The following SLC8A1 variants were observed in gnomAD, a reference collection of about 807,000 sequenced individuals.
The protein encoded by SLC8A1 is solute carrier family 8 member A1, also known as sodium/calcium exchanger 1.
Under a neutral mutation model 68.3 loss-of-function variants are expected in SLC8A1, and 18 were observed. That is an observed-to-expected ratio of 0.26 (90% CI 0.18 to 0.39). The LOEUF (loss-of-function observed/expected upper bound fraction) is 0.39. SLC8A1 is among the 10% of genes least tolerant of loss of function. SLC8A1 has a pLI of 1.00. For synonymous variants in SLC8A1, 475 were observed against 415.5 expected, an observed-to-expected ratio of 1.14 and a Z score of -1.74; for missense variants, 985 against 1,156.7, an observed-to-expected ratio of 0.85 and a Z score of 2.15.
At chr2:40,490,455 T>G (rs1416673614) in intron 1 of SLC8A1, among the ~76,000 whole-genome samples, 1 of 152,178 alleles carries the variant, frequency 6.6e-6, no homozygotes, top group Admixed American at 6.5e-5. Context: ...TATGTTTGTT[T>G]GTATAAGTAT....
intron 2 of SLC8A1, among the ~76,000 whole-genome samples, chr2:40,347,812 G>C (rs1459761263): frequency 6.6e-6 from 1 of 152,136 alleles, no homozygotes; most frequent in South Asian, 2.1e-4. Context: ...TTTAAAGCAA[G>C]ATTTCTCTAA....
chr2:40,257,792 T>C (rs778945183), intron 2 of SLC8A1, among the ~76,000 whole-genome samples: 5 of 152,242 alleles, frequency 3.3e-5, no homozygotes, highest in Non-Finnish European at 7.3e-5. Flanking sequence ...TTGACCTTCA[T>C]GAAATTCTCC....
intron 2 of SLC8A1, among the ~76,000 whole-genome samples, chr2:40,383,658 ATACT>A (rs892141591): frequency 1.8e-4 from 27 of 152,232 alleles, no homozygotes; most frequent in African/African-American, 4.6e-4. Context: ...TAATTAAGTA[ATACT>A]TAATACATAA....
At chr2:40,383,437 G>A (rs1016361397) in intron 2 of SLC8A1, among the ~76,000 whole-genome samples, 3 of 151,962 alleles carry the variant, frequency 2.0e-5, no homozygotes, top group Non-Finnish European at 2.9e-5. Flanking sequence ...ACTGTCATTC[G>A]CTTCATATTT....
At chr2:40,235,718 C>G (rs2060274452) in intron 2 of SLC8A1, among the ~76,000 whole-genome samples, 1 of 151,302 alleles carries the variant, frequency 6.6e-6, no homozygotes, top group Middle Eastern at 3.4e-3. Flanking sequence ...ATCTTTCCTG[C>G]TTTCTCTTGT....
chr2:40,250,592 C>A (rs552849108), intron 2 of SLC8A1: 1 of 152,016 alleles, frequency 6.6e-6, no homozygotes, highest in African/African-American at 2.4e-5. Context: ...AGTGACTCTT[C>A]GAGTTATTCT....
intron 2 of SLC8A1, among the ~76,000 whole-genome samples, chr2:40,409,677 T>G (rs1351718006): frequency 6.6e-6 from 1 of 152,098 alleles, no homozygotes; most frequent in African/African-American, 2.4e-5. Context: ...ATAAGAGCAA[T>G]AGCATGCTCA....
chr2:40,327,796 A>G lies in SLC8A1; in HGVS notation c.1808+100677T>C, dbSNP rs567853110. ...AAAGGGCTGAACAACTACCTATTGG[A>G]TACTATGGTCCCTACCTGGGTGATG... On this transcript the variant is annotated intron_variant, in intron 2 of 7. Transcript: ENST00000406785. Among the ~76,000 whole-genome samples, 4 of 152,302 alleles carry G rather than the reference A, an allele frequency of 2.6e-5. No individual in the cohort carries two copies. The East Asian group carries it at 7.7e-4, about 29-fold the overall frequency.
intron 2 of SLC8A1, among the ~76,000 whole-genome samples, chr2:40,375,370 GC>G (rs1173500698): frequency 6.6e-6 from 1 of 152,090 alleles, no homozygotes; most frequent in South Asian, 2.1e-4. Flanking sequence ...GGAATTTTAA[GC>G]CAGTGGATTC....
intron 2 of SLC8A1, chr2:40,190,616 C>G (rs572133171): frequency 1.3e-5 from 2 of 152,126 alleles, no homozygotes; most frequent in African/African-American, 4.8e-5. Flanking sequence ...TTGTCCGTCA[C>G]GCTGAGGGAT....
chr2:40,162,791 A>G (rs763060751), intron 5 of SLC8A1, among the ~76,000 whole-genome samples: 75 of 152,208 alleles, frequency 4.9e-4, no homozygotes, highest in Non-Finnish European at 9.3e-4. Context: ...GGCTTGTGAA[A>G]ACCTCACCCT....
chr2:40,226,914 C>T (rs915955191), intron 2 of SLC8A1, among the ~76,000 whole-genome samples: 1 of 152,122 alleles, frequency 6.6e-6, no homozygotes, highest in African/African-American at 2.4e-5. Flanking sequence ...CAAAACACAT[C>T]TAATACTGTT....
At chr2:40,194,506 T>TGTGTGTGTGTGC (rs963279052) in intron 2 of SLC8A1, among the ~76,000 whole-genome samples, 1 of 131,824 alleles carries the variant, frequency 7.6e-6, no homozygotes, top group African/African-American at 2.7e-5. Flanking sequence ...TGTGTGTGTG[T>TGTGTGTGTGTGC]GCGCGCGCAA....
chr2:40,196,811 A>G (rs1053477779), intron 2 of SLC8A1, among the ~76,000 whole-genome samples: 2 of 152,056 alleles, frequency 1.3e-5, no homozygotes, highest in African/African-American at 4.8e-5. Context: ...CAGGTGTCAT[A>G]TTCAGGGGAT....
At chr2:40,300,411 G>C (rs187288626) in intron 2 of SLC8A1, among the ~76,000 whole-genome samples, 1 of 152,096 alleles carries the variant, frequency 6.6e-6, no homozygotes, top group Admixed American at 6.5e-5. Context: ...TGCTTTAGAA[G>C]TTCGAGTGTT....
Position 40,146,601 on chromosome 2 carries a change from T to C in SLC8A1, c.2162-6925A>G, listed in dbSNP as rs1392021136. On this transcript the variant is annotated intron_variant, in intron 6 of 7. Coordinates refer to ENST00000406785, the Ensembl canonical transcript of SLC8A1. ...ATCAGTGGGAACCCTGAGCTTATTT[T>C]CTTGCAACTAGATGGTCCCATCTTT... is the stretch of plus-strand genomic sequence containing the variant. 3.3e-5 allele frequency among the ~76,000 whole-genome samples: 5 copies of C among 151,240 alleles called. No individual in the cohort carries two copies. The East Asian group carries it at 9.6e-4, about 29-fold the overall frequency.
intron 5 of SLC8A1, 148 bp downstream of exon 8, chr2:40,164,706 T>C: frequency 9.8e-7 from 1 of 1,023,936 alleles, no homozygotes; most frequent in East Asian, 2.4e-5. Context: ...AATTCCAATT[T>C]GGCCCCAAAG....
intron 7 of SLC8A1, 152 bp from the exon 11 acceptor site, chr2:40,115,781 T>G: frequency 9.8e-7 from 1 of 1,016,506 alleles, no homozygotes. Context: ...GTCAGACTCA[T>G]GGGGTGAAAA....
intron 2 of SLC8A1, among the ~76,000 whole-genome samples, chr2:40,412,103 C>T (rs1049659488): frequency 1.3e-5 from 2 of 152,058 alleles, no homozygotes; most frequent in African/African-American, 4.8e-5. Flanking sequence ...GGTCTTGAAC[C>T]AAATGGTCTG....
Sources: gnomAD v4.1 joint callset for allele counts (sites outside exome capture counted in the v4.1 genomes callset) on GRCh38, gnomAD v4.1.1 for gene constraint, MANE v1.5 for transcripts, NCBI Gene and HGNC (gene_info 2026-07-23, HGNC 2026-07-21) for gene names.